PRPF38B: variants seen among roughly 807,000 people sequenced by gnomAD.
The protein encoded by PRPF38B is pre-mRNA processing factor 38B, also known as pre-mRNA-splicing factor 38B.
A neutral mutation model predicts 67.2 loss-of-function variants in PRPF38B; 18 were observed. That is an observed-to-expected ratio of 0.27 (90% CI 0.19 to 0.40). The LOEUF (loss-of-function observed/expected upper bound fraction) is 0.40. Ranked by LOEUF, PRPF38B falls within the 10% of genes least tolerant of loss-of-function variation. The probability of loss-of-function intolerance (pLI) is 1.00; values close to 1 mark genes in which losing one functional copy is unlikely to be tolerated. For missense variants in PRPF38B, 544 were observed against 684.9 expected (o/e 0.79, Z 2.30); for synonymous variants, 246 against 234.2 (o/e 1.05, Z -0.46).
rs1218125488 is a variant in PRPF38B, at chr1:108,699,295, C to T, written c.916C>T (p.Arg306Cys). 4 of 1,613,926 alleles carry T rather than the reference C, an allele frequency of 2.5e-6. No individual in the cohort carries two copies. The highest frequency in any genetic ancestry group is 3.4e-6 in the Non-Finnish European group (4 of 1,180,004). The stretch of plus-strand genomic sequence containing the variant: ...AGAGAAAGAACGCCAGCGACTAGAG[C>T]GTGAAGCCAAAGAAAGGGAGAAAGA... ...EREKERQRLEREAKEREKERR... is the reference protein window; with the variant it reads ...EREKERQRLECEAKEREKERR... The change falls in exon 6 of 6, where the codon CGT (arginine) becomes TGT (cysteine). Residue 306 changes from arginine (R) to cysteine (C), a missense_variant. Transcript: ENST00000370025.
Position 108,692,873 on chromosome 1 carries a change from A to C in PRPF38B, c.276+6A>C, listed in dbSNP as rs753322234. ...TGGACGAGATCTACTTTAAGGTACGAAGTGTGTAGGCCTTGGCTTTGGGGG... is the reference window on the plus strand; with the variant it reads ...TGGACGAGATCTACTTTAAGGTACGCAGTGTGTAGGCCTTGGCTTTGGGGG... On this transcript the variant is annotated splice_donor_region_variant and intron_variant, in intron 1 of 5. Transcript: ENST00000370025. The C allele has an allele frequency of 1.2e-6, 2 of 1,613,478 alleles. No individual in the cohort carries two copies. Among genetic ancestry groups the C allele is most frequent in the Non-Finnish European group, 1.7e-6 (2 of 1,179,616 alleles).
In PRPF38B at chr1:108,699,335, G is replaced by A. The variant is rs759386036; in HGVS notation, c.956G>A (p.Arg319Gln). 1.4e-5 allele frequency: 22 copies of A among 1,614,150 alleles called. No homozygotes were observed. The East Asian group carries it at 1.6e-4, about 11-fold the overall frequency. Residue 319 changes from arginine (R) to glutamine (Q), a missense_variant, in exon 6 of 6, where the codon CGA becomes CAA. Arg to Gln is a conservative substitution (Grantham distance 43, BLOSUM62 1). This residue lies in a region of PRPF38B where 387 missense variants were observed against 386.1 expected (regional missense o/e 1.00). Coordinates refer to ENST00000370025, the MANE Select transcript of PRPF38B (RefSeq NM_018061.4). Reference sequence around the variant, plus strand: ...AGGGAGAAAGAACGGCGAAGATCCCGAAGTATTGACCGGGGGTTAGAACGC... The same window carrying A: ...AGGGAGAAAGAACGGCGAAGATCCCAAAGTATTGACCGGGGGTTAGAACGC... ...KEREKERRRS[R>Q]SIDRGLERRR...
chr1:108,698,715 C>G lies in PRPF38B; in HGVS notation c.670C>G (p.Pro224Ala). ...TACCTTGTTTCCAAGAATTCCAGTT[C>G]CAGTTCAAAAGAATATTGATCAACA... ...FSTLFPRIPVPVQKNIDQQIK... is the reference protein window; with the variant it reads ...FSTLFPRIPVAVQKNIDQQIK... Residue 224 changes from proline (P) to alanine (A), a missense_variant, in exon 5 of 6, where the codon CCA becomes GCA. This residue lies in a region of PRPF38B where 57 missense variants were observed against 122.7 expected (regional missense o/e 0.46). Transcript: ENST00000370025. 6.2e-7 allele frequency: 1 copy of G among 1,613,610 alleles called. No homozygotes were observed. Among genetic ancestry groups the G allele is most frequent in the Non-Finnish European group, 8.5e-7 (1 of 1,179,688 alleles).
In PRPF38B at chr1:108,701,438, T is replaced by C. The variant is rs1344732907; in HGVS notation, c.*1418T>C. The C allele has an allele frequency of 1.3e-5, 2 of 152,300 alleles. No homozygotes were observed. 9.4% of individuals were successfully genotyped at this position (152,300 alleles called of 1,614,324 possible). A position where few individuals can be genotyped will look rare whatever the true frequency, so the allele number is the denominator to read the frequency against. ...TGTGTCATTTGATTACTTTGTTCCA[T>C]GTCAAAGACGTTTATTGGGATACCT... is the stretch of plus-strand genomic sequence containing the variant. On this transcript the variant is annotated 3_prime_UTR_variant, in exon 6 of 6. Coordinates refer to ENST00000370025, the MANE Select transcript of PRPF38B (RefSeq NM_018061.4).
chr1:108,696,727 T>C, intron 4 of PRPF38B: 1 of 716,966 alleles, frequency 1.4e-6, no homozygotes, highest in East Asian at 2.7e-5. Context: ...TTTTTTCTTC[T>C]GGAACATTTC....
intron 4 of PRPF38B, chr1:108,698,388 TTA>T (rs1319403409): frequency 2.1e-6 from 1 of 470,292 alleles, no homozygotes; most frequent in East Asian, 3.2e-5. Context: ...TCAGTTCCCT[TTA>T]TGCCTGTGAG....
At position 108,692,804 on chromosome 1, in the gene PRPF38B, C is replaced by T. The variant is rs1557759526; in HGVS notation, c.213C>T (p.Tyr71=). Residue 71 remains tyrosine, a synonymous_variant, in exon 1 of 6, where the codon TAC becomes TAT. Transcript: ENST00000370025. The stretch of plus-strand genomic sequence containing the variant: ...TGACCAACATCCTGTCGTCGCCTTA[C>T]TTCAAAGTACAGCTCTACGAGCTCA... ...MILTNILSSP[Y]FKVQLYELKT... is the part of the protein sequence containing the mutation. 2 of 1,614,210 alleles carry T rather than the reference C, an allele frequency of 1.2e-6. No homozygotes were observed. Among genetic ancestry groups the T allele is most frequent in the Non-Finnish European group, 1.7e-6 (2 of 1,180,038 alleles).
At position 108,692,381 on chromosome 1, in the gene PRPF38B, T is replaced by C. The variant is rs1659381799; in HGVS notation, c.-211T>C. The C allele has an allele frequency of 1.7e-6, 1 of 585,732 alleles. No homozygotes were observed. The highest frequency in any genetic ancestry group is 3.2e-5 in the Admixed American group (1 of 31,106). 36.3% of individuals were successfully genotyped at this position (585,732 alleles called of 1,614,324 possible). Reference sequence around the variant, plus strand: ...TGCCGGCTCGCCTTCTGCGTGGAGTTCTCGCGGTCTGGGTTTCGCTGTCTG... The same window carrying C: ...TGCCGGCTCGCCTTCTGCGTGGAGTCCTCGCGGTCTGGGTTTCGCTGTCTG... On this transcript the variant is annotated 5_prime_UTR_variant, in exon 1 of 6. Transcript: ENST00000370025.
rs972309990 is a variant in PRPF38B, at chr1:108,702,147, G to A, written c.*2127G>A. Among the ~76,000 whole-genome samples, 2 of 152,150 alleles carry A rather than the reference G, an allele frequency of 1.3e-5. No individual in the cohort carries two copies. The highest frequency in any genetic ancestry group is 2.9e-5 in the Non-Finnish European group (2 of 68,024). On this transcript the variant is annotated 3_prime_UTR_variant, in exon 6 of 6. Coordinates refer to ENST00000370025, the MANE Select transcript of PRPF38B (RefSeq NM_018061.4). ...GGTTTTTAGTTTGTTTTTGTTTTGA[G>A]ACGGGCCTGGCTCTGTCACCCAGAC...
At position 108,693,471 on chromosome 1, in the gene PRPF38B, T is replaced by C. The variant is rs1032146094; in HGVS notation, c.276+604T>C. 8.9e-6 allele frequency: 3 copies of C among 336,830 alleles called. No homozygotes were observed. The East Asian group carries it at 5.0e-4, about 57-fold the overall frequency. The allele number at this position is 336,830 out of a possible 1,614,324, so 20.9% of individuals were successfully genotyped here. ...CTCAGCCACCTGTGCATTGGGCTAATTTAGAATTATCTGGGCCCTGGGCTT... is the reference window on the plus strand; with the variant it reads ...CTCAGCCACCTGTGCATTGGGCTAACTTAGAATTATCTGGGCCCTGGGCTT... On this transcript the variant is annotated intron_variant, in intron 1 of 5. Coordinates refer to ENST00000370025, the MANE Select transcript of PRPF38B (RefSeq NM_018061.4).
At position 108,699,968 on chromosome 1, in the gene PRPF38B, T is replaced by C. The variant is rs774468770; in HGVS notation, c.1589T>C (p.Ile530Thr). 1 of 1,607,714 alleles carries C rather than the reference T, an allele frequency of 6.2e-7. No individual in the cohort carries two copies. Among genetic ancestry groups the C allele is most frequent in the South Asian group, 1.1e-5 (1 of 89,934 alleles). The stretch of plus-strand genomic sequence containing the variant: ...CATGATCGTCGAAGGAGCCAAAGTA[T>C]AGAACAAGAGAGCCAAGAAAAACAG... ...DKHDRRRSQS[I>T]EQESQEKQHK... Residue 530 changes from isoleucine (I) to threonine (T), a missense_variant, in exon 6 of 6, where the codon ATA (isoleucine) becomes ACA (threonine). Ile to Thr is a moderately conservative substitution (Grantham distance 89). Around this residue, in one of 5 missense-constraint regions of PRPF38B, gnomAD observed 387 missense variants for 386.1 expected, o/e 1.00. Transcript: ENST00000370025.
Position 108,692,916 on chromosome 1 carries a change from G to T in PRPF38B, c.276+49G>T, listed in dbSNP as rs375285589. The stretch of plus-strand genomic sequence containing the variant: ...TTTGGGGGTAAGTTCGGAAGAGGGG[G>T]TATGGAGGAAACGGGCGAAGGCGGC... On this transcript the variant is annotated intron_variant, in intron 1 of 5. Coordinates refer to ENST00000370025, the MANE Select transcript of PRPF38B (RefSeq NM_018061.4). 1.6e-3 allele frequency: 2,568 copies of T among 1,561,334 alleles called. 59 individuals carry two copies. In the South Asian group the frequency reaches 0.028, roughly 17 times the overall value.
rs1660621175 is a variant in PRPF38B at position 108,702,595 on chromosome 1, TGAG to T, written c.*2576_*2578del. ...AAGACATCTCACATTTCTTGAAACATGAGAACATTTGGACACGAACATCACACG... is the reference window on the plus strand; with the variant it reads ...AAGACATCTCACATTTCTTGAAACATAACATTTGGACACGAACATCACACG... On this transcript the variant is annotated 3_prime_UTR_variant, in exon 6 of 6. Transcript: ENST00000370025. Among the ~76,000 whole-genome samples, 1 of 151,980 alleles carries T rather than the reference TGAG, an allele frequency of 6.6e-6. No individual in the cohort carries two copies. The highest frequency in any genetic ancestry group is 1.5e-5 in the Non-Finnish European group (1 of 68,002).
intron 4 of PRPF38B, chr1:108,697,119 C>G (rs1311267660): frequency 2.2e-5 from 4 of 182,240 alleles, no homozygotes; most frequent in African/African-American, 9.4e-5. Context: ...AGGTATGCAT[C>G]TTAGTCCCAC....
At position 108,692,531 on chromosome 1, in the gene PRPF38B, G is replaced by A. The variant is rs1659405120; in HGVS notation, c.-61G>A. 1 of 1,478,136 alleles carries A rather than the reference G, an allele frequency of 6.8e-7. No homozygotes were observed. Among genetic ancestry groups the A allele is most frequent in the African/African-American group, 1.4e-5 (1 of 71,326 alleles). The allele number at this position is 1,478,136 out of a possible 1,614,324, so 91.6% of individuals were successfully genotyped here. On this transcript the variant is annotated 5_prime_UTR_variant, in exon 1 of 6. Coordinates refer to ENST00000370025, the MANE Select transcript of PRPF38B (RefSeq NM_018061.4). Reference sequence around the variant, plus strand: ...GGGTCCCAGACCGTTGTCCCGAAGAGCGAGATCGAGCTTGGCCCCCTCCCC... The same window carrying A: ...GGGTCCCAGACCGTTGTCCCGAAGAACGAGATCGAGCTTGGCCCCCTCCCC...
rs1196447224 is a variant in PRPF38B at position 108,692,587 on chromosome 1, G to T, written c.-5G>T. The stretch of plus-strand genomic sequence containing the variant: ...CCTTCCCTCCCTCCTTCCTTCCGCC[G>T]CAACATGGCTAACAACAGCCCCGCG... On this transcript the variant is annotated 5_prime_UTR_variant, in exon 1 of 6. Transcript: ENST00000370025. 3 of 1,217,418 alleles carry T rather than the reference G, an allele frequency of 2.5e-6. No individual in the cohort carries two copies. Among genetic ancestry groups the T allele is most frequent in the Non-Finnish European group, 3.2e-6 (3 of 936,162 alleles). 75.4% of individuals were successfully genotyped at this position (1,217,418 alleles called of 1,614,324 possible).
intron 4 of PRPF38B, 200 bp from the exon 5 acceptor site, chr1:108,698,404 G>A (rs1232806576): frequency 1.5e-5 from 7 of 472,192 alleles, no homozygotes; most frequent in East Asian, 3.2e-5. Flanking sequence ...CTGTGAGGCT[G>A]CAGGGTTTGT....
rs1239591564 is a variant in PRPF38B, at chr1:108,692,642, GGCGGCTGCAGCT to G, written c.58_69del (p.Ala20_Ala23del). The stretch of plus-strand genomic sequence containing the variant: ...CAGGCAACTCGCAGCCGCAGCACCA[GGCGGCTGCAGCT>G]GCGGCTCAGCAACAGCAGCAGTGCG... On this transcript the variant is annotated inframe_deletion, in exon 1 of 6. Transcript: ENST00000370025. The G allele has an allele frequency of 6.2e-7, 1 of 1,607,910 alleles. No individual in the cohort carries two copies. Among genetic ancestry groups the G allele is most frequent in the African/African-American group, 1.3e-5 (1 of 74,534 alleles).
Position 108,692,484 on chromosome 1 carries a change from C to G in PRPF38B, c.-108C>G. The G allele has an allele frequency of 7.6e-7, 1 of 1,315,434 alleles. No homozygotes were observed. The allele number at this position is 1,315,434 out of a possible 1,614,324, so 81.5% of individuals were successfully genotyped here. On this transcript the variant is annotated 5_prime_UTR_variant, in exon 1 of 6. Coordinates refer to ENST00000370025, the MANE Select transcript of PRPF38B (RefSeq NM_018061.4). ...GGGGCACAGCGAGGCGGCCCCTTCT[C>G]CCGACGACGTTCGATGGAGTAGGGT...
Sources: gnomAD v4.1 joint callset for allele counts (sites outside exome capture counted in the v4.1 genomes callset) on GRCh38, gnomAD v4.1.1 for gene constraint, gnomAD v4.1.1 regional missense constraint, MANE v1.5 for transcripts, NCBI Gene and HGNC (gene_info 2026-07-23, HGNC 2026-07-21) for gene names.